KNTC1: variants seen among roughly 807,000 people sequenced by gnomAD.
The protein encoded by KNTC1 is kinetochore associated 1.
A neutral mutation model predicts 314.4 loss-of-function variants in KNTC1; 253 were observed. The observed-to-expected ratio is 0.80, with a 90% CI of 0.73 to 0.89. The LOEUF is 0.89. KNTC1 is among the 40% of genes least tolerant of loss of function. KNTC1 has a pLI of 0.00. For synonymous variants in KNTC1, 901 were observed against 901.4 expected, an observed-to-expected ratio of 1.00 and a Z score of 0.01; for missense variants, 2,475 against 2,572.9, an observed-to-expected ratio of 0.96 and a Z score of 0.82.
rs773473759 is a variant in KNTC1, at chr12:122,557,474, G to C, written c.1363G>C (p.Val455Leu). The C allele has an allele frequency of 5.0e-6, 8 of 1,613,864 alleles. No homozygotes were observed. The highest frequency in any genetic ancestry group is 6.8e-6 in the Non-Finnish European group (8 of 1,179,816). The change falls in exon 17 of 64, where the codon GTA becomes CTA. Residue 455 changes from valine to leucine, a missense_variant. Coordinates refer to ENST00000333479, the MANE Select transcript of KNTC1 (RefSeq NM_014708.6). ...TGAACAGACCGAATGGCAACAACTTGTAGACGACGCTAAGGAAAATCTACA... is the reference window on the plus strand; with the variant it reads ...TGAACAGACCGAATGGCAACAACTTCTAGACGACGCTAAGGAAAATCTACA... The part of the protein sequence containing the change: ...ASEQTEWQQL[V>L]DDAKENLHKI...
At chr12:122,568,183 A>G in intron 20 of KNTC1, 78 bp from the exon 21 acceptor site, 1 of 716,122 alleles carries the variant, frequency 1.4e-6, no homozygotes, top group Non-Finnish European at 2.4e-6. Context: ...ATTAAAATGC[A>G]TTTAAAGATA....
At chr12:122,605,118 A>G in intron 50 of KNTC1, 31 bp downstream of exon 50, 1 of 1,555,830 alleles carries the variant, frequency 6.4e-7, no homozygotes. Flanking sequence ...TTGTTGTCCA[A>G]GAAAAGCTAT....
intron 34 of KNTC1, among the ~76,000 whole-genome samples, chr12:122,583,740 C>T (rs1868792483): frequency 6.6e-6 from 1 of 152,020 alleles, no homozygotes; most frequent in African/African-American, 2.4e-5. Context: ...GCAGGAGAAT[C>T]GCTTGAACCT....
At chr12:122,576,763 T>G in intron 29 of KNTC1, 132 bp from the exon 30 acceptor site, 1 of 556,744 alleles carries the variant, frequency 1.8e-6, no homozygotes, top group Non-Finnish European at 3.1e-6. Flanking sequence ...TAAATCATGT[T>G]TTAATCTTTC....
intron 48 of KNTC1, among the ~76,000 whole-genome samples, chr12:122,603,930 G>C (rs1267734400): frequency 6.6e-6 from 1 of 152,138 alleles, no homozygotes; most frequent in East Asian, 1.9e-4. Context: ...TCAGGAACTG[G>C]TTAGAAAATA....
At chr12:122,602,163 A>G (rs1396284181) in intron 45 of KNTC1, among the ~76,000 whole-genome samples, 1 of 151,954 alleles carries the variant, frequency 6.6e-6, no homozygotes, top group Non-Finnish European at 1.5e-5. Context: ...AAATATATCA[A>G]TTCAAAAGAT....
At chr12:122,553,160 G>GAA (rs373313055) in intron 16 of KNTC1, among the ~76,000 whole-genome samples, 34 of 134,556 alleles carry the variant, frequency 2.5e-4, no homozygotes, top group African/African-American at 3.0e-4. Context: ...CTGTCTCAGG[G>GAA]AAAAAAAAAA....
chr12:122,530,674 C>T (rs376863334), intron 2 of KNTC1, among the ~76,000 whole-genome samples: 27 of 152,214 alleles, frequency 1.8e-4, no homozygotes, highest in East Asian at 1.5e-3. Flanking sequence ...TGGTCTTGAA[C>T]TCCTGGCCTC....
intron 53 of KNTC1, 58 bp from the exon 54 acceptor site, chr12:122,613,054 A>G (rs1873352450): frequency 2.3e-6 from 2 of 878,378 alleles, no homozygotes; most frequent in East Asian, 2.4e-5. Context: ...GTTGAAACTC[A>G]TTTACCCAAC....
At chr12:122,606,363 G>A (rs1220443487) in intron 51 of KNTC1, among the ~76,000 whole-genome samples, 1 of 151,324 alleles carries the variant, frequency 6.6e-6, no homozygotes, top group Non-Finnish European at 1.5e-5. Context: ...GGTTACAGGT[G>A]TGCGCCACTA....
intron 24 of KNTC1, among the ~76,000 whole-genome samples, chr12:122,572,461 T>G (rs1382582412): frequency 6.6e-6 from 1 of 152,188 alleles, no homozygotes; most frequent in Non-Finnish European, 1.5e-5. Context: ...TTTCAAAGGT[T>G]GTGTCTGTCA....
intron 56 of KNTC1, 58 bp from the exon 57 acceptor site, chr12:122,615,412 C>T (rs535183220): frequency 1.5e-6 from 2 of 1,357,442 alleles, no homozygotes; most frequent in Non-Finnish European, 2.0e-6. Context: ...TGGTATTTCA[C>T]ATTGAAATTT....
Position 122,535,516 on chromosome 12 carries a change from G to A in KNTC1, c.250+732G>A, listed in dbSNP as rs181203943. 3.0e-4 allele frequency among the ~76,000 whole-genome samples: 45 copies of A among 152,232 alleles called. 1 individual carries two copies. Among genetic ancestry groups the A allele is most frequent in the Admixed American group, 2.6e-3 (39 of 15,280 alleles). On this transcript the variant is annotated intron_variant, in intron 3 of 63. Coordinates refer to ENST00000333479, the MANE Select transcript of KNTC1 (RefSeq NM_014708.6). ...AAATTAGCTGGCCGTGCTGGTGTGC[G>A]CCTATAGTTCCAGCTACTCGGGAGG...
intron 16 of KNTC1, among the ~76,000 whole-genome samples, chr12:122,555,724 C>T (rs1186728536): frequency 6.6e-6 from 1 of 151,946 alleles, no homozygotes; most frequent in Non-Finnish European, 1.5e-5. Context: ...TGGCAGGCAC[C>T]TGTAGTCCTA....
chr12:122,536,428 C>T (rs982239320), intron 3 of KNTC1, among the ~76,000 whole-genome samples: 11 of 151,334 alleles, frequency 7.3e-5, no homozygotes, highest in African/African-American at 2.7e-4. Context: ...AACAGGGTTT[C>T]ACTATGTTGG....
At chr12:122,539,846 A>G (rs1962150418) in intron 5 of KNTC1, 92 bp downstream of exon 5, 1 of 762,672 alleles carries the variant, frequency 1.3e-6, no homozygotes, top group Non-Finnish European at 2.1e-6. Flanking sequence ...CAGTGGCGCA[A>G]TCTCAGGTCA....
At chr12:122,542,843 G>A (rs1458156896) in intron 6 of KNTC1, among the ~76,000 whole-genome samples, 1 of 152,042 alleles carries the variant, frequency 6.6e-6, no homozygotes, top group Non-Finnish European at 1.5e-5. Flanking sequence ...ATCCCTCTAA[G>A]CCAAGTGAAA....
rs766890908 is a variant in KNTC1 at position 122,597,791 on chromosome 12, C to A, written c.4416C>A (p.Asn1472Lys). 5 of 1,613,904 alleles carry A rather than the reference C, an allele frequency of 3.1e-6. No individual in the cohort carries two copies. Residue 1472 changes from asparagine to lysine, a missense_variant, in exon 44 of 64, where the codon AAC becomes AAA. By Grantham distance (94) the Asn-to-Lys change is moderately conservative. Transcript: ENST00000333479. ...LQLFIETLLH[N>K]TNAGQGQGDA... ...TCTTCATTGAAACGCTGCTCCACAA[C>A]ACAAATGCCGGCCAAGGCCAGGGAG...
chr12:122,619,838 G>T, intron 59 of KNTC1, among the ~76,000 whole-genome samples: 1 of 152,068 alleles, frequency 6.6e-6, no homozygotes, highest in East Asian at 1.9e-4. Context: ...AGTACTTTTG[G>T]TGACTACCCT....
Sources: gnomAD v4.1 joint callset for allele counts (sites outside exome capture counted in the v4.1 genomes callset) on GRCh38, gnomAD v4.1.1 for gene constraint, MANE v1.5 for transcripts, NCBI Gene and HGNC (gene_info 2026-07-23, HGNC 2026-07-21) for gene names.